CCND3: variants seen among roughly 807,000 people sequenced by gnomAD.
CCND3 encodes the protein cyclin D3, also known as G1/S-specific cyclin-D3.
In CCND3, 9 loss-of-function variants were observed where a neutral mutation model predicts 28.7. The ratio of observed to expected loss-of-function variants is 0.31; its 90% CI spans 0.19 to 0.55. The LOEUF is 0.55. Ranked by LOEUF, CCND3 falls within the 20% of genes least tolerant of loss-of-function variation. The pLI, the probability that CCND3 is intolerant of heterozygous loss-of-function variation, is 0.93. For synonymous variants in CCND3, 164 were observed against 163.9 expected, an observed-to-expected ratio of 1.00 and a Z score of 0.00; for missense variants, 315 against 385.8, an observed-to-expected ratio of 0.82 and a Z score of 1.54.
chr6:41,963,740 G>T (rs1289084640), intron 1 of CCND3, among the ~76,000 whole-genome samples: 1 of 152,208 alleles, frequency 6.6e-6, no homozygotes, highest in Non-Finnish European at 1.5e-5. Flanking sequence ...TTGAAACCTA[G>T]CTCTGCCACT....
At position 41,940,454 on chromosome 6, in the gene CCND3, G is replaced by C; in HGVS notation, c.330C>G (p.Ala110=). 1 of 1,614,146 alleles carries C rather than the reference G, an allele frequency of 6.2e-7. No individual in the cohort carries two copies. Among genetic ancestry groups the C allele is most frequent in the African/African-American group, 1.3e-5 (1 of 75,014 alleles). The change falls in exon 2 of 5, where the codon GCC becomes GCG. Residue 110 remains alanine (A), a synonymous_variant. Coordinates refer to ENST00000372991, the MANE Select transcript of CCND3 (RefSeq NM_001760.5). ...GGGGCGTGGTCTCGCGCAGCTTGGAGGCCAGCAGCATGCAGACCGCACCCA... is the reference window on the plus strand; with the variant it reads ...GGGGCGTGGTCTCGCGCAGCTTGGACGCCAGCAGCATGCAGACCGCACCCA... ...QLLGAVCMLL[A]SKLRETTPLT...
upstream of CCND3, chr6:41,941,851 T>A: frequency 3.8e-6 from 1 of 261,148 alleles, no homozygotes; most frequent in Non-Finnish European, 7.1e-6. This position sits in a 1 kb window ranked among gnomAD's most constrained non-coding sequence, Gnocchi z 6.1. Context: ...CGTGGAATGC[T>A]CGGACGTCGC....
Position 41,941,161 on chromosome 6 carries a change from G to A in CCND3, c.198+291C>T, listed in dbSNP as rs1776000978. On this transcript the variant is annotated intron_variant, in intron 1 of 4. Coordinates refer to ENST00000372991, the MANE Select transcript of CCND3 (RefSeq NM_001760.5). This position sits in a 1 kb window ranked among gnomAD's most constrained non-coding sequence, Gnocchi z 6.1. ...CGGGAGGCGGAGGGAAGCGGGAGAC[G>A]CTGTGAGAAGCCGAAGGGGAGAGAG... The A allele has an allele frequency of 2.1e-6, 3 of 1,457,256 alleles. No individual in the cohort carries two copies. Among genetic ancestry groups the A allele is most frequent in the Non-Finnish European group, 1.8e-6 (2 of 1,110,104 alleles). 90.3% of individuals were successfully genotyped at this position (1,457,256 alleles called of 1,614,324 possible).
chr6:42,049,442 G>A (rs1764662506), upstream of CCND3, among the ~76,000 whole-genome samples: 3 of 152,220 alleles, frequency 2.0e-5, no homozygotes, highest in African/African-American at 7.2e-5. Context: ...ACACACTGAG[G>A]ATTAAGGTCA....
rs1295630883 is a variant in CCND3, at chr6:41,939,718, A to C, written c.414+652T>G. 6.6e-6 allele frequency among the ~76,000 whole-genome samples: 1 copy of C among 151,980 alleles called. No homozygotes were observed. Among genetic ancestry groups the C allele is most frequent in the Non-Finnish European group, 1.5e-5 (1 of 67,972 alleles). On this transcript the variant is annotated intron_variant, in intron 2 of 4. Transcript: ENST00000372991. This position sits in a 1 kb window ranked among gnomAD's most constrained non-coding sequence, Gnocchi z 4.2. ...AGCTTGGGCCTTGGGCTAAGGGGGG[A>C]AGAGGGAGCTGTTTCCACCAGGCCC...
chr6:42,030,335 G>A (rs1181807134), intron 1 of CCND3: 1 of 152,362 alleles, frequency 6.6e-6, no homozygotes, highest in Admixed American at 6.5e-5. Context: ...GTAATATGGG[G>A]TGTTTGGGGC....
intron 1 of CCND3, among the ~76,000 whole-genome samples, chr6:42,038,655 A>G (rs1764293027): frequency 1.3e-5 from 2 of 152,206 alleles, no homozygotes; most frequent in Admixed American, 6.5e-5. Context: ...ATAATCAGTA[A>G]TACTATAGAA....
At chr6:41,963,631 G>A (rs1761778901) in intron 1 of CCND3, among the ~76,000 whole-genome samples, 1 of 152,240 alleles carries the variant, frequency 6.6e-6, no homozygotes, top group Admixed American at 6.5e-5. Flanking sequence ...GGGAGGTGGT[G>A]AACGTGGAAC....
chr6:42,032,727 T>C (rs1386170084), intron 1 of CCND3, among the ~76,000 whole-genome samples: 2 of 152,212 alleles, frequency 1.3e-5, no homozygotes, highest in Non-Finnish European at 2.9e-5. Flanking sequence ...GTTTCCCCTA[T>C]TGTAAATCCA....
chr6:42,037,973 G>C (rs989893497), intron 1 of CCND3, among the ~76,000 whole-genome samples: 2 of 148,494 alleles, frequency 1.3e-5, no homozygotes, highest in Non-Finnish European at 3.0e-5. Flanking sequence ...GGAGGTTGCA[G>C]TGAGCCGAGA....
At chr6:42,001,034 A>C (rs1429627533) in intron 1 of CCND3, among the ~76,000 whole-genome samples, 1 of 151,514 alleles carries the variant, frequency 6.6e-6, no homozygotes, top group Non-Finnish European at 1.5e-5. Flanking sequence ...TCAGAAGTTC[A>C]AGACCAGCCT....
Position 41,935,940 on chromosome 6 carries a change from C to T in CCND3, c.879G>A (p.Ter293=), listed in dbSNP as rs2127389166. ...GCCACTCCAGAGGGCCTCTCCAGGG[C>T]TACAGGTGTATGGCTGTGACATCTG... The part of the protein sequence containing the change: ...TPTDVTAIHL[*] The change falls in exon 5 of 5, where the codon TAG becomes TAA. Residue 293 remains the stop codon, a stop_retained_variant. Coordinates refer to ENST00000372991, the MANE Select transcript of CCND3 (RefSeq NM_001760.5). 1 of 1,608,358 alleles carries T rather than the reference C, an allele frequency of 6.2e-7. No individual in the cohort carries two copies. The highest frequency in any genetic ancestry group is 8.5e-7 in the Non-Finnish European group (1 of 1,177,640).
chr6:42,021,332 T>G (rs1763707454), intron 1 of CCND3, among the ~76,000 whole-genome samples: 1 of 152,230 alleles, frequency 6.6e-6, no homozygotes, highest in South Asian at 2.1e-4. Context: ...GGGACTAGTA[T>G]TTGCCACCTT....
At chr6:41,961,081 A>C (rs999821726) in intron 1 of CCND3, among the ~76,000 whole-genome samples, 1 of 152,246 alleles carries the variant, frequency 6.6e-6, no homozygotes, top group Non-Finnish European at 1.5e-5. Context: ...CTCGTTTCTG[A>C]GCAAACAATC....
intron 1 of CCND3, among the ~76,000 whole-genome samples, chr6:42,026,177 G>A (rs763949262): frequency 6.6e-6 from 1 of 151,984 alleles, no homozygotes; most frequent in African/African-American, 2.4e-5. Context: ...TCCCTGCCTC[G>A]ACCCTGCTCA....
upstream of CCND3, among the ~76,000 whole-genome samples, chr6:41,944,273 G>A (rs1205672470): frequency 4.6e-5 from 7 of 152,196 alleles, no homozygotes; most frequent in East Asian, 1.4e-3. Flanking sequence ...GGAGTTCAAG[G>A]CTGCAGTGAA....
At chr6:41,960,821 G>A (rs1775595720) in intron 1 of CCND3, among the ~76,000 whole-genome samples, 2 of 152,140 alleles carry the variant, frequency 1.3e-5, no homozygotes, top group African/African-American at 2.4e-5. Context: ...TGGCCTCAAC[G>A]TCCAAGCAAA....
At chr6:42,022,395 G>C (rs569817112) in intron 1 of CCND3, among the ~76,000 whole-genome samples, 3 of 152,318 alleles carry the variant, frequency 2.0e-5, no homozygotes, top group Non-Finnish European at 4.4e-5. Flanking sequence ...ACACAAAAAG[G>C]GTGGAGGATG....
chr6:41,981,147 C>T (rs568009410), intron 1 of CCND3, among the ~76,000 whole-genome samples: 133 of 152,082 alleles, frequency 8.7e-4, no homozygotes, highest in Non-Finnish European at 1.8e-3. Context: ...CAAAAAAATC[C>T]TTCTGGGACT....
Sources: allele counts gnomAD v4.1 joint callset (sites outside exome capture counted in the v4.1 genomes callset), GRCh38; gene constraint gnomAD v4.1.1; non-coding constraint Gnocchi (gnomAD v3.1); transcripts MANE v1.5; gene names NCBI Gene and HGNC (gene_info 2026-07-23, HGNC 2026-07-21).